KIAA0513: variants seen among roughly 807,000 people sequenced by gnomAD.
KIAA0513 encodes KIAA0513.
Under a neutral mutation model 56.5 loss-of-function variants are expected in KIAA0513, and 39 were observed. The observed-to-expected ratio is 0.69, with a 90% CI of 0.53 to 0.90. The LOEUF is 0.90. Ranked by LOEUF, KIAA0513 falls within the 40% of genes least tolerant of loss-of-function variation. The probability of loss-of-function intolerance (pLI) is 0.00; values close to 1 mark genes in which losing one functional copy is unlikely to be tolerated. For missense variants in KIAA0513, 591 were observed against 535.2 expected, an observed-to-expected ratio of 1.10 and a Z score of -1.03; for synonymous variants, 268 against 215.6, an observed-to-expected ratio of 1.24 and a Z score of -2.13.
chr16:85,064,080 A>G (rs925451157), intron 1 of KIAA0513, among the ~76,000 whole-genome samples: 2 of 142,474 alleles, frequency 1.4e-5, no homozygotes, highest in Admixed American at 1.5e-4. Flanking sequence ...ACCTCAGCTC[A>G]CTGCAACCTC....
intron 1 of KIAA0513, among the ~76,000 whole-genome samples, chr16:85,042,620 A>G (rs536439076): frequency 1.3e-5 from 2 of 152,362 alleles, no homozygotes; most frequent in Non-Finnish European, 2.9e-5. Flanking sequence ...GGAGAATGAA[A>G]TCAGATAATT....
chr16:85,041,152 A>G (rs1436777079), intron 1 of KIAA0513, among the ~76,000 whole-genome samples: 2 of 152,234 alleles, frequency 1.3e-5, no homozygotes, highest in African/African-American at 4.8e-5. Flanking sequence ...ACTTCCAAAT[A>G]GAAACTGAAG....
At position 85,076,025 on chromosome 16, in the gene KIAA0513, A is replaced by G; in HGVS notation, c.574+111A>G. 1.3e-6 allele frequency: 1 copy of G among 762,204 alleles called. No individual in the cohort carries two copies. Among genetic ancestry groups the G allele is most frequent in the Non-Finnish European group, 2.3e-6 (1 of 434,130 alleles). 47.2% of individuals were successfully genotyped at this position (762,204 alleles called of 1,614,324 possible). A position where few individuals can be genotyped will look rare whatever the true frequency, so the allele number is the denominator to read the frequency against. ...AAAGCAAAAGCTATGGGGCCTCCAG[A>G]GAACAGAGGAAGCTGATGTTAGGGA... On this transcript the variant is annotated intron_variant, in intron 5 of 12. Transcript: ENST00000683363. This position sits in a 1 kb window ranked among gnomAD's most constrained non-coding sequence, Gnocchi z 4.7.
chr16:85,038,733 T>A (rs72658733), intron 1 of KIAA0513, among the ~76,000 whole-genome samples: 41,419 of 133,404 alleles, frequency 0.31, 7,644 homozygotes, highest in African/African-American at 0.49. Context: ...ATAATAATAA[T>A]AATATCTTTG....
rs879729138 is a variant in KIAA0513 at position 85,081,463 on chromosome 16, G to A, written c.980+71G>A. On this transcript the variant is annotated intron_variant, in intron 9 of 12. Coordinates refer to ENST00000683363, the MANE Select transcript of KIAA0513 (RefSeq NM_001388359.1). The surrounding 1 kb of genome is among the most constrained non-coding windows in gnomAD (Gnocchi z 4.4). ...GGGAGTGGCTTTATTTCCCGGTTTC[G>A]GAAGAGGAGAGCAGAAGAGCAGCTG... 3.3e-5 allele frequency: 44 copies of A among 1,344,676 alleles called. No homozygotes were observed. The highest frequency in any genetic ancestry group is 5.9e-5 in the Admixed American group (3 of 50,662). 83.3% of individuals were successfully genotyped at this position (1,344,676 alleles called of 1,614,324 possible). A position where few individuals can be genotyped will look rare whatever the true frequency, so the allele number is the denominator to read the frequency against.
chr16:85,056,682 A>G lies in KIAA0513; in HGVS notation c.-172-10218A>G, dbSNP rs143250590. ...TTACGGTGCTGGCCCCCTCTGCTCA[A>G]TTGCCCAATTATTTAGATGCTTGTC... On this transcript the variant is annotated intron_variant, in intron 1 of 12. Coordinates refer to ENST00000683363, the MANE Select transcript of KIAA0513 (RefSeq NM_001388359.1). Among the ~76,000 whole-genome samples the G allele has an allele frequency of 2.9e-3, 439 of 152,086 alleles. 1 individual carries two copies. In the Middle Eastern group the frequency reaches 0.031, roughly 11 times the overall value.
At chr16:85,029,259 A>G (rs527934759) in intron 1 of KIAA0513, among the ~76,000 whole-genome samples, 16 of 152,324 alleles carry the variant, frequency 1.1e-4, no homozygotes, top group African/African-American at 3.6e-4. Context: ...TGGGACTCAC[A>G]TGTAGGCAGC....
chr16:85,070,170 C>CAA (rs541754961), intron 2 of KIAA0513, among the ~76,000 whole-genome samples: 4 of 91,946 alleles, frequency 4.4e-5, no homozygotes, highest in East Asian at 7.2e-4. Flanking sequence ...GACCCTGTCT[C>CAA]AAAAAAAAAA....
rs2073895949 is a variant in KIAA0513 at position 85,093,898 on chromosome 16, C to T, written c.*5573C>T. ...CTGCCGCCTTCTTGAACCTGGTGGC[C>T]CCCGTTGGAACTATCAGTGGCGTCT... On this transcript the variant is annotated 3_prime_UTR_variant, in exon 13 of 13. Transcript: ENST00000683363. 6.6e-6 allele frequency: 1 copy of T among 152,316 alleles called. No homozygotes were observed. The highest frequency in any genetic ancestry group is 6.5e-5 in the Admixed American group (1 of 15,302). 9.4% of individuals were successfully genotyped at this position (152,316 alleles called of 1,614,324 possible).
At chr16:85,063,706 A>G (rs932902367) in intron 1 of KIAA0513, 1 of 152,184 alleles carries the variant, frequency 6.6e-6, no homozygotes, top group Non-Finnish European at 1.5e-5. Flanking sequence ...GATAATGAAC[A>G]AAATGAAAGA....
intron 9 of KIAA0513, 71 bp from the exon 10 acceptor site, chr16:85,082,493 T>G (rs746210094): frequency 3.3e-6 from 5 of 1,505,726 alleles, no homozygotes; most frequent in Non-Finnish European, 4.6e-6. Context: ...GCTTGTTCTC[T>G]TTTTACCATC....
intron 1 of KIAA0513, among the ~76,000 whole-genome samples, chr16:85,066,545 G>T (rs567159007): frequency 3.3e-5 from 5 of 152,174 alleles, no homozygotes; most frequent in Non-Finnish European, 7.3e-5. Flanking sequence ...GTGACAGCTA[G>T]CGGGCAGGTG....
At chr16:85,084,627 C>G (rs1261793138) in intron 10 of KIAA0513, among the ~76,000 whole-genome samples, 1 of 152,160 alleles carries the variant, frequency 6.6e-6, no homozygotes, top group Non-Finnish European at 1.5e-5. Flanking sequence ...CGGGGTTTCA[C>G]CATGTTGGTC....
intron 1 of KIAA0513, among the ~76,000 whole-genome samples, chr16:85,039,552 C>T (rs986035375): frequency 1.2e-4 from 19 of 152,230 alleles, no homozygotes; most frequent in Non-Finnish European, 1.5e-4. Context: ...GATACTCCCA[C>T]CTCAGCCTCC....
chr16:85,062,750 A>G (rs1475470863), intron 1 of KIAA0513, among the ~76,000 whole-genome samples: 3 of 152,236 alleles, frequency 2.0e-5, no homozygotes, highest in African/African-American at 7.2e-5. Flanking sequence ...TCCTGGGTCT[A>G]CATTCCCAAA....
At chr16:85,028,582 G>A (rs1288054148) in intron 1 of KIAA0513, among the ~76,000 whole-genome samples, 1 of 152,132 alleles carries the variant, frequency 6.6e-6, no homozygotes, top group East Asian at 1.9e-4. Context: ...TCTTGCAAAG[G>A]ACAGAATTGA....
chr16:85,067,081 C>A lies in KIAA0513; in HGVS notation c.10C>A (p.Pro4Thr), dbSNP rs371047411. 15 of 1,578,142 alleles carry A rather than the reference C, an allele frequency of 9.5e-6. No homozygotes were observed. Among genetic ancestry groups the A allele is most frequent in the Non-Finnish European group, 1.3e-5 (15 of 1,160,016 alleles). MET[P>T]EVPVGSLIDF... Reference sequence around the variant, plus strand: ...GCAGCTCCCCTGAGCCATGGAGACCCCAGAGGTCCCCGTGGGCTCGCTAAT... The same window carrying A: ...GCAGCTCCCCTGAGCCATGGAGACCACAGAGGTCCCCGTGGGCTCGCTAAT... The change falls in exon 2 of 13, where the codon CCA (proline) becomes ACA (threonine). Residue 4 changes from proline to threonine, a missense_variant. Pro to Thr is a conservative substitution (Grantham distance 38). Transcript: ENST00000683363.
chr16:85,082,452 G>A lies in KIAA0513; in HGVS notation c.981-112G>A, dbSNP rs939400007. On this transcript the variant is annotated intron_variant, in intron 9 of 12. Transcript: ENST00000683363. Reference sequence around the variant, plus strand: ...GAATATTCCTGTCTTTCTCTGTCCCGCTCCGTTTCTGCCTGTAATAACCCT... The same window carrying A: ...GAATATTCCTGTCTTTCTCTGTCCCACTCCGTTTCTGCCTGTAATAACCCT... 24 of 997,794 alleles carry A rather than the reference G, an allele frequency of 2.4e-5. No homozygotes were observed. In the East Asian group the frequency reaches 2.7e-4, roughly 11 times the overall value. The allele number at this position is 997,794 out of a possible 1,614,324, so 61.8% of individuals were successfully genotyped here.
intron 8 of KIAA0513, among the ~76,000 whole-genome samples, chr16:85,080,546 C>T (rs2073728489): frequency 6.6e-6 from 1 of 152,234 alleles, no homozygotes. Flanking sequence ...GCAATCCCAG[C>T]ACTTTGGGAG....
Sources: gnomAD v4.1 joint callset for allele counts (sites outside exome capture counted in the v4.1 genomes callset) on GRCh38, gnomAD v4.1.1 for gene constraint, Gnocchi (gnomAD v3.1) non-coding constraint, MANE v1.5 for transcripts, NCBI Gene and HGNC (gene_info 2026-07-23, HGNC 2026-07-21) for gene names.